Variants in NRG2 observed in about 807,000 individuals in gnomAD.
The protein encoded by NRG2 is pro-neuregulin-2, membrane-bound isoform.
Under a neutral mutation model 73.9 loss-of-function variants are expected in NRG2, and 27 were observed. That is an observed-to-expected ratio of 0.37 (90% CI 0.27 to 0.50). The LOEUF is 0.50. Ranked by LOEUF, NRG2 falls within the 20% of genes least tolerant of loss-of-function variation. NRG2 has a pLI of 0.96. For synonymous variants in NRG2, 532 were observed against 541.0 expected, an observed-to-expected ratio of 0.98 and a Z score of 0.23; for missense variants, 1,126 against 1,210.1, an observed-to-expected ratio of 0.93 and a Z score of 1.03.
intron 1 of NRG2, among the ~76,000 whole-genome samples, chr5:140,000,934 A>C (rs1165262906): frequency 6.6e-6 from 1 of 152,220 alleles, no homozygotes; most frequent in African/African-American, 2.4e-5. Flanking sequence ...TCAAACTGTA[A>C]CATAGGACTC....
chr5:139,953,719 G>A (rs1754406532), intron 1 of NRG2, among the ~76,000 whole-genome samples: 1 of 152,192 alleles, frequency 6.6e-6, no homozygotes, highest in Non-Finnish European at 1.5e-5. Flanking sequence ...GACATATTCT[G>A]TTCATCGTAG....
chr5:139,894,111 G>C lies in NRG2; in HGVS notation c.701-6600C>G, dbSNP rs985890965. Among the ~76,000 whole-genome samples, 2 of 152,226 alleles carry C rather than the reference G, an allele frequency of 1.3e-5. No homozygotes were observed. Among genetic ancestry groups the C allele is most frequent in the Non-Finnish European group, 2.9e-5 (2 of 68,032 alleles). On this transcript the variant is annotated intron_variant, in intron 1 of 9. Coordinates refer to ENST00000361474, the MANE Select transcript of NRG2 (RefSeq NM_004883.3). The surrounding 1 kb of genome is among the most constrained non-coding windows in gnomAD (Gnocchi z 5.0). ...AACCTCATTCCTCTCGGCAGTGGGC[G>C]GTGGGTGCGGAGCCTACTCAGATCT...
intron 1 of NRG2, among the ~76,000 whole-genome samples, chr5:139,977,357 C>T (rs1004274016): frequency 3.9e-5 from 6 of 152,074 alleles, no homozygotes; most frequent in Non-Finnish European, 7.4e-5. Context: ...CCAGAAACAG[C>T]CAGAAAGAAT....
At chr5:140,030,893 T>A (rs774813161) in intron 1 of NRG2, among the ~76,000 whole-genome samples, 1 of 152,146 alleles carries the variant, frequency 6.6e-6, no homozygotes, top group Non-Finnish European at 1.5e-5. Context: ...TTAATGTATA[T>A]GTTACTAAGA....
chr5:140,022,314 T>G (rs1181185851), intron 1 of NRG2, among the ~76,000 whole-genome samples: 1 of 152,214 alleles, frequency 6.6e-6, no homozygotes, highest in Non-Finnish European at 1.5e-5. Flanking sequence ...CTGGAAGTCT[T>G]TTCTGATATC....
intron 1 of NRG2, among the ~76,000 whole-genome samples, chr5:139,938,949 G>T (rs191491384): frequency 2.9e-4 from 31 of 105,226 alleles, no homozygotes; most frequent in African/African-American, 8.0e-4. Context: ...AAGAAAGAAA[G>T]AAAGAAAGAA....
At chr5:139,955,493 A>G (rs1425081337) in intron 1 of NRG2, among the ~76,000 whole-genome samples, 1 of 152,162 alleles carries the variant, frequency 6.6e-6, no homozygotes, top group African/African-American at 2.4e-5. Flanking sequence ...GAAAGGCTAC[A>G]TAAACTGGGC....
intron 1 of NRG2, among the ~76,000 whole-genome samples, chr5:140,041,091 T>G (rs1761880122): frequency 6.6e-6 from 1 of 152,148 alleles, no homozygotes; most frequent in South Asian, 2.1e-4. Context: ...TCTAGAAAGA[T>G]GAAGGCAGCA....
intron 2 of NRG2, among the ~76,000 whole-genome samples, chr5:139,883,034 A>T (rs1232068020): frequency 6.6e-6 from 1 of 152,068 alleles, no homozygotes; most frequent in Non-Finnish European, 1.5e-5. Flanking sequence ...GTCCTGGCTA[A>T]GGGGCAGGGC....
chr5:139,913,593 TCTCCCCTGCTTTGCC>T (rs1294211503), intron 1 of NRG2, among the ~76,000 whole-genome samples: 1 of 152,214 alleles, frequency 6.6e-6, no homozygotes, highest in African/African-American at 2.4e-5. Context: ...CTTTGTGCCC[TCTCCCCTGCTTTGCC>T]CTCCCCTGCT....
intron 1 of NRG2, among the ~76,000 whole-genome samples, chr5:139,938,757 T>C (rs1753041229): frequency 6.6e-6 from 1 of 150,782 alleles, no homozygotes; most frequent in Non-Finnish European, 1.5e-5. Flanking sequence ...TTGACAAAGG[T>C]TTTAAGGCAA....
At chr5:139,946,181 T>C (rs984859397) in intron 1 of NRG2, among the ~76,000 whole-genome samples, 1 of 152,008 alleles carries the variant, frequency 6.6e-6, no homozygotes, top group Admixed American at 6.6e-5. Flanking sequence ...AAGAACAAAG[T>C]TGCAAGACTC....
intron 1 of NRG2, among the ~76,000 whole-genome samples, chr5:139,947,827 C>T (rs1219626579): frequency 6.6e-6 from 1 of 152,150 alleles, no homozygotes; most frequent in African/African-American, 2.4e-5. Flanking sequence ...CTTTCACATG[C>T]TTATTGGCCA....
At chr5:139,957,792 AAAG>A (rs1307686629) in intron 1 of NRG2, among the ~76,000 whole-genome samples, 1 of 152,210 alleles carries the variant, frequency 6.6e-6, no homozygotes, top group Non-Finnish European at 1.5e-5. Context: ...AAAGTCTCCA[AAAG>A]AAGAAGCCAA....
At chr5:139,981,233 C>T (rs1756777763) in intron 1 of NRG2, among the ~76,000 whole-genome samples, 1 of 152,202 alleles carries the variant, frequency 6.6e-6, no homozygotes, top group Non-Finnish European at 1.5e-5. Flanking sequence ...TCATTTGGGA[C>T]TGGGTGCTGC....
chr5:139,891,996 C>T lies in NRG2; in HGVS notation c.701-4485G>A, dbSNP rs180867796. 4.8e-3 allele frequency among the ~76,000 whole-genome samples: 728 copies of T among 152,280 alleles called. 5 individuals are homozygous for T. Among genetic ancestry groups the T allele is most frequent in the Non-Finnish European group, 8.4e-3 (572 of 68,020 alleles). On this transcript the variant is annotated intron_variant, in intron 1 of 9. Transcript: ENST00000361474. Reference sequence around the variant, plus strand: ...TTTTCTTTTATAGCTCTTAACGGTTCCTCGGAATCATCTGTGATGCTAAAA... The same window carrying T: ...TTTTCTTTTATAGCTCTTAACGGTTTCTCGGAATCATCTGTGATGCTAAAA...
At chr5:139,989,790 A>T (rs947786628) in intron 1 of NRG2, among the ~76,000 whole-genome samples, 15 of 148,768 alleles carry the variant, frequency 1.0e-4, no homozygotes, top group East Asian at 3.9e-4. Flanking sequence ...ATTTTATTTT[A>T]TTTTTTTATT....
At position 139,847,911 on chromosome 5, in the gene NRG2, G is replaced by A. The variant is rs1291031749; in HGVS notation, c.*6C>T. On this transcript the variant is annotated 3_prime_UTR_variant, in exon 10 of 10. Transcript: ENST00000361474. ...CGGGCGGGGCGGAGGGGCGCGCGGC[G>A]GGGCCCTAGAGTGGCGCCGAGTCCT... 2 of 1,435,734 alleles carry A rather than the reference G, an allele frequency of 1.4e-6. No homozygotes were observed. Among genetic ancestry groups the A allele is most frequent in the Admixed American group, 5.9e-5 (2 of 33,744 alleles). 88.9% of individuals were successfully genotyped at this position (1,435,734 alleles called of 1,614,324 possible).
rs1172564004 is a variant in NRG2, at chr5:139,848,142, C to G, written c.2328G>C (p.Ala776=). 2.1e-5 allele frequency: 31 copies of G among 1,462,722 alleles called. No homozygotes were observed. Among genetic ancestry groups the G allele is most frequent in the Non-Finnish European group, 2.6e-5 (29 of 1,114,458 alleles). 90.6% of individuals were successfully genotyped at this position (1,462,722 alleles called of 1,614,324 possible). ...CCGCGTCGTCCGCGTCGTCGTCCGA[C>G]GCCGAGGCTGAGCCGCCGCCCGAGC... is the stretch of plus-strand genomic sequence containing the variant. ...SSGSGGGSAS[A]SDDDADDADG... The change falls in exon 10 of 10, where the codon GCG becomes GCC. Residue 776 remains alanine, a synonymous_variant. Coordinates refer to ENST00000361474, the MANE Select transcript of NRG2 (RefSeq NM_004883.3).
Sources: allele counts gnomAD v4.1 joint callset (sites outside exome capture counted in the v4.1 genomes callset), GRCh38; gene constraint gnomAD v4.1.1; non-coding constraint Gnocchi (gnomAD v3.1); transcripts MANE v1.5; gene names NCBI Gene and HGNC (gene_info 2026-07-23, HGNC 2026-07-21).